The following CTNNBIP1 variants were observed in gnomAD, a reference collection of about 807,000 sequenced individuals.
The protein encoded by CTNNBIP1 is beta-catenin-interacting protein 1.
Under a neutral mutation model 11.8 loss-of-function variants are expected in CTNNBIP1, and 7 were observed. The ratio of observed to expected loss-of-function variants is 0.60; its 90% CI spans 0.34 to 1.12. The LOEUF (loss-of-function observed/expected upper bound fraction) is 1.12. CTNNBIP1 is among the 50% of genes most tolerant of loss of function. The pLI is 0.03. For synonymous variants in CTNNBIP1, 58 were observed against 43.9 expected, an observed-to-expected ratio of 1.32 and a Z score of -1.26; for missense variants, 101 against 113.4, an observed-to-expected ratio of 0.89 and a Z score of 0.50.
In CTNNBIP1 at chr1:9,859,118, A is replaced by G. The variant is rs368764944; in HGVS notation, c.188-8342T>C. ...CCCTGGCCCTGGCCCCCTGCCCCCA[A>G]CTGGTCCCCACTCCTATCTCCCCTG... On this transcript the variant is annotated intron_variant, in intron 5 of 5. Coordinates refer to ENST00000377263, the MANE Select transcript of CTNNBIP1 (RefSeq NM_020248.3). Among the ~76,000 whole-genome samples, 6 of 151,940 alleles carry G rather than the reference A, an allele frequency of 3.9e-5. No individual in the cohort carries two copies. The East Asian group carries it at 7.7e-4, about 20-fold the overall frequency.
intron 3 of CTNNBIP1, among the ~76,000 whole-genome samples, chr1:9,875,510 G>A (rs576941953): frequency 1.1e-4 from 17 of 152,304 alleles, no homozygotes; most frequent in Admixed American, 5.9e-4. Flanking sequence ...TCGCCGTCCC[G>A]GGGACACCTC....
chr1:9,900,039 A>G (rs530625665), intron 1 of CTNNBIP1, among the ~76,000 whole-genome samples: 1 of 150,356 alleles, frequency 6.7e-6, no homozygotes, highest in East Asian at 2.0e-4. Context: ...GCACCACTAC[A>G]CTCCAGCCTG....
chr1:9,876,317 G>A (rs1638967495), intron 3 of CTNNBIP1, among the ~76,000 whole-genome samples: 1 of 152,068 alleles, frequency 6.6e-6, no homozygotes, highest in Non-Finnish European at 1.5e-5. Flanking sequence ...GCCAAAAAAA[G>A]GAAAATGAAA....
At chr1:9,889,400 C>A (rs1639250171) in intron 1 of CTNNBIP1, among the ~76,000 whole-genome samples, 3 of 152,178 alleles carry the variant, frequency 2.0e-5, no homozygotes, top group African/African-American at 7.2e-5. Context: ...AATTATCCAG[C>A]CCCACGTCTG....
chr1:9,893,786 T>C (rs1196558961), intron 1 of CTNNBIP1, among the ~76,000 whole-genome samples: 1 of 152,074 alleles, frequency 6.6e-6, no homozygotes, highest in Non-Finnish European at 1.5e-5. Context: ...AAAAAAGGCA[T>C]CAACGCACAG....
At chr1:9,896,104 T>C (rs539408390) in intron 1 of CTNNBIP1, among the ~76,000 whole-genome samples, 1 of 152,156 alleles carries the variant, frequency 6.6e-6, no homozygotes, top group South Asian at 2.1e-4. Context: ...TCTAGAGTGG[T>C]TTAGCAGCTT....
chr1:9,873,158 C>T (rs1011351123), intron 3 of CTNNBIP1, among the ~76,000 whole-genome samples: 4 of 152,118 alleles, frequency 2.6e-5, no homozygotes, highest in African/African-American at 9.7e-5. Context: ...ACTGCTCATT[C>T]CCCATAAGCT....
At chr1:9,878,263 C>G (rs993339030) in intron 2 of CTNNBIP1, 3 of 152,380 alleles carry the variant, frequency 2.0e-5, no homozygotes, top group African/African-American at 7.2e-5. Flanking sequence ...CACCACACCC[C>G]CTGCTCCCCT....
chr1:9,871,314 CACCTGTT>C lies in CTNNBIP1; in HGVS notation c.97-44_97-38del. 1 of 1,479,114 alleles carries C rather than the reference CACCTGTT, an allele frequency of 6.8e-7. No homozygotes were observed. Among genetic ancestry groups the C allele is most frequent in the Non-Finnish European group, 9.2e-7 (1 of 1,083,752 alleles). 91.6% of individuals were successfully genotyped at this position (1,479,114 alleles called of 1,614,324 possible). On this transcript the variant is annotated intron_variant, in intron 4 of 5. Transcript: ENST00000377263. This position sits in a 1 kb window ranked among gnomAD's most constrained non-coding sequence, Gnocchi z 5.2. ...GAGAGCTGTGGTGAGGGGCAGCATGCACCTGTTCCCTGAAAGGCACCTGCACCCCTAG... is the reference window on the plus strand; with the variant it reads ...GAGAGCTGTGGTGAGGGGCAGCATGCCCCTGAAAGGCACCTGCACCCCTAG...
At chr1:9,852,051 G>T (rs544619884) in intron 5 of CTNNBIP1, among the ~76,000 whole-genome samples, 1 of 152,190 alleles carries the variant, frequency 6.6e-6, no homozygotes. Context: ...CTGGGAGGGG[G>T]TGGATCGGAA....
chr1:9,868,787 C>T (rs1638799621), intron 5 of CTNNBIP1, among the ~76,000 whole-genome samples: 1 of 152,098 alleles, frequency 6.6e-6, no homozygotes, highest in South Asian at 2.1e-4. Context: ...TGGCACCTGC[C>T]ACCATGCTCA....
intron 1 of CTNNBIP1, among the ~76,000 whole-genome samples, chr1:9,903,830 G>A (rs980234182): frequency 2.0e-5 from 3 of 152,154 alleles, no homozygotes; most frequent in African/African-American, 7.2e-5. Flanking sequence ...GGGCTTAAGG[G>A]AGGCTTTTCT....
At chr1:9,852,900 C>T (rs2101424435) in intron 5 of CTNNBIP1, among the ~76,000 whole-genome samples, 1 of 152,308 alleles carries the variant, frequency 6.6e-6, no homozygotes, top group East Asian at 1.9e-4. Context: ...GGGCCATTGG[C>T]TTCTCAGAGG....
rs548904678 is a variant in CTNNBIP1 at position 9,895,243 on chromosome 1, C to T, written c.-143-11505G>A. ...TGAGACAGTCTTACTCTGTCACCCA[C>T]GCTGGAATGTAATGGCACAATTGCA... On this transcript the variant is annotated intron_variant, in intron 1 of 5. Coordinates refer to ENST00000377263, the MANE Select transcript of CTNNBIP1 (RefSeq NM_020248.3). 3.3e-5 allele frequency among the ~76,000 whole-genome samples: 5 copies of T among 150,428 alleles called. 1 individual carries two copies. Among genetic ancestry groups the T allele is most frequent in the African/African-American group, 7.3e-5 (3 of 40,838 alleles).
At chr1:9,894,787 C>T (rs1318266109) in intron 1 of CTNNBIP1, among the ~76,000 whole-genome samples, 1 of 151,584 alleles carries the variant, frequency 6.6e-6, no homozygotes, top group Non-Finnish European at 1.5e-5. Flanking sequence ...GTCACCCAAG[C>T]TGGAGTGCAG....
At position 9,848,967 on chromosome 1, in the gene CTNNBIP1, C is replaced by T. The variant is rs1315002006; in HGVS notation, c.*1751G>A. On this transcript the variant is annotated 3_prime_UTR_variant, in exon 6 of 6. Transcript: ENST00000377263. The surrounding 1 kb of genome is among the most constrained non-coding windows in gnomAD (Gnocchi z 4.3). Reference sequence around the variant, plus strand: ...ACTCAGGAGCCCCTACGGCCCGAGCCCCAAGCCCCGAGAAAGGGGAAAGAT... The same window carrying T: ...ACTCAGGAGCCCCTACGGCCCGAGCTCCAAGCCCCGAGAAAGGGGAAAGAT... 1 of 152,250 alleles carries T rather than the reference C, an allele frequency of 6.6e-6. No homozygotes were observed. Among genetic ancestry groups the T allele is most frequent in the East Asian group, 1.9e-4 (1 of 5,174 alleles). 9.4% of individuals were successfully genotyped at this position (152,250 alleles called of 1,614,324 possible).
chr1:9,851,519 C>T lies in CTNNBIP1; in HGVS notation c.188-743G>A, dbSNP rs980162797. Among the ~76,000 whole-genome samples, 11 of 152,148 alleles carry T rather than the reference C, an allele frequency of 7.2e-5. No individual in the cohort carries two copies. Among genetic ancestry groups the T allele is most frequent in the African/African-American group, 2.6e-4 (11 of 41,520 alleles). On this transcript the variant is annotated intron_variant, in intron 5 of 5. Coordinates refer to ENST00000377263, the MANE Select transcript of CTNNBIP1 (RefSeq NM_020248.3). This position sits in a 1 kb window ranked among gnomAD's most constrained non-coding sequence, Gnocchi z 4.8. ...CTGAGTAGCTGGGATTACAGGTGTG[C>T]ATCACCACGCCCGGCTAATTTTTTT...
chr1:9,894,905 A>ATT lies in CTNNBIP1; in HGVS notation c.-143-11169_-143-11168dup, dbSNP rs1175181254. Reference sequence around the variant, plus strand: ...ACAAGTGTGACTGCCATGCCTGGCTATTTTTTTTTTTTTTTTTTTTGAGAC... The same window carrying ATT: ...ACAAGTGTGACTGCCATGCCTGGCTATTTTTTTTTTTTTTTTTTTTTTGAGAC... On this transcript the variant is annotated intron_variant, in intron 1 of 5. Coordinates refer to ENST00000377263, the MANE Select transcript of CTNNBIP1 (RefSeq NM_020248.3). Among the ~76,000 whole-genome samples, 725 of 102,182 alleles carry ATT rather than the reference A, an allele frequency of 7.1e-3. 39 individuals are homozygous for ATT. The highest frequency in any genetic ancestry group is 0.025 in the African/African-American group (591 of 23,502). The allele number at this position is 102,182 out of a possible 152,430, so 67.0% of individuals were successfully genotyped here. A position where few individuals can be genotyped will look rare whatever the true frequency, so the allele number is the denominator to read the frequency against.
chr1:9,905,515 C>T (rs543823588), intron 1 of CTNNBIP1, among the ~76,000 whole-genome samples: 61 of 152,080 alleles, frequency 4.0e-4, no homozygotes, highest in South Asian at 1.5e-3. Flanking sequence ...CTCCGCCTCC[C>T]GGGTTCACGC....
Sources: gnomAD v4.1 joint callset for allele counts (sites outside exome capture counted in the v4.1 genomes callset) on GRCh38, gnomAD v4.1.1 for gene constraint, Gnocchi (gnomAD v3.1) non-coding constraint, MANE v1.5 for transcripts, NCBI Gene and HGNC (gene_info 2026-07-23, HGNC 2026-07-21) for gene names.